CCSER1: variants seen among roughly 807,000 people sequenced by gnomAD.
CCSER1 encodes serine-rich coiled-coil domain-containing protein 1.
A neutral mutation model predicts 82.0 loss-of-function variants in CCSER1; 41 were observed. The observed-to-expected ratio is 0.50, with a 90% CI of 0.39 to 0.65. CCSER1 has a LOEUF of 0.65. CCSER1 is among the 30% of genes least tolerant of loss of function. CCSER1 has a pLI of 0.00. For synonymous variants in CCSER1, 414 were observed against 383.9 expected (o/e 1.08, Z -0.92); for missense variants, 1,119 against 1,064.2 (o/e 1.05, Z -0.72).
chr4:91,131,221 G>A (rs1262419396), intron 10 of CCSER1, among the ~76,000 whole-genome samples: 1 of 151,774 alleles, frequency 6.6e-6, no homozygotes, highest in Non-Finnish European at 1.5e-5. Context: ...GTCATTCATA[G>A]ATGGTTTTAT....
rs116223001 is a variant in CCSER1, at chr4:91,129,084, C to A, written c.2217+43090C>A. ...TTTCTCCTTATAATTTCTAGATGGC[C>A]GAATTTCAAGCATCACATTTTCAAA... On this transcript the variant is annotated intron_variant, in intron 10 of 10. Transcript: ENST00000509176. Among the ~76,000 whole-genome samples the A allele has an allele frequency of 1.3e-4, 19 of 151,926 alleles. 1 individual carries two copies. In the South Asian group the frequency reaches 3.9e-3, roughly 32 times the overall value.
chr4:90,754,603 C>T (rs1749202946), intron 7 of CCSER1, among the ~76,000 whole-genome samples: 1 of 152,088 alleles, frequency 6.6e-6, no homozygotes, highest in African/African-American at 2.4e-5. Flanking sequence ...TGAATTGTAC[C>T]TTAATGCAAC....
intron 10 of CCSER1, among the ~76,000 whole-genome samples, chr4:91,304,014 A>G (rs1217145130): frequency 1.1e-4 from 16 of 152,028 alleles, no homozygotes; most frequent in Non-Finnish European, 2.4e-4. Context: ...AGGGAAAGAA[A>G]AAATGTTCCC....
At chr4:91,116,032 T>C (rs908380945) in intron 10 of CCSER1, among the ~76,000 whole-genome samples, 10 of 151,800 alleles carry the variant, frequency 6.6e-5, no homozygotes, top group Non-Finnish European at 1.5e-5. Context: ...CAGGCCCTGG[T>C]GTGTGATGTT....
At chr4:90,233,665 T>C (rs947422619) in intron 1 of CCSER1, among the ~76,000 whole-genome samples, 16 of 149,930 alleles carry the variant, frequency 1.1e-4, no homozygotes, top group Admixed American at 1.0e-3. Context: ...ACTGGCCTTA[T>C]GAACCTTAGA....
chr4:90,345,331 G>T (rs1029940767), intron 3 of CCSER1, among the ~76,000 whole-genome samples: 1 of 152,004 alleles, frequency 6.6e-6, no homozygotes, highest in Non-Finnish European at 1.5e-5. Flanking sequence ...GTTTTTGCAG[G>T]TTTATTATTT....
intron 8 of CCSER1, among the ~76,000 whole-genome samples, chr4:90,859,255 C>T (rs1764794881): frequency 6.6e-6 from 1 of 151,780 alleles, no homozygotes; most frequent in Non-Finnish European, 1.5e-5. Context: ...ATAGGGGAAA[C>T]ATAATTTTAG....
intron 4 of CCSER1, among the ~76,000 whole-genome samples, chr4:90,457,244 C>T (rs368793818): frequency 1.4e-4 from 22 of 152,298 alleles, no homozygotes; most frequent in East Asian, 5.8e-4. Context: ...AACTGCAGAA[C>T]GCCAAATAGC....
chr4:90,998,535 A>T (rs1385479986), intron 9 of CCSER1, among the ~76,000 whole-genome samples: 1 of 152,132 alleles, frequency 6.6e-6, no homozygotes, highest in African/African-American at 2.4e-5. Context: ...TTCTATGGGG[A>T]TGCCTGCTTT....
At chr4:90,323,959 G>A (rs1235220116) in intron 3 of CCSER1, among the ~76,000 whole-genome samples, 2 of 152,102 alleles carry the variant, frequency 1.3e-5, no homozygotes, top group African/African-American at 4.8e-5. Context: ...TGAGAATGAT[G>A]ATTTCCAATT....
intron 10 of CCSER1, among the ~76,000 whole-genome samples, chr4:91,177,900 G>A (rs1336460114): frequency 2.6e-5 from 4 of 152,170 alleles, no homozygotes; most frequent in African/African-American, 4.8e-5. Flanking sequence ...TAATTGTGAT[G>A]TTAGGGTGTC....
At chr4:91,300,184 C>G (rs1339231689) in intron 10 of CCSER1, among the ~76,000 whole-genome samples, 1 of 151,816 alleles carries the variant, frequency 6.6e-6, no homozygotes, top group Non-Finnish European at 1.5e-5. Flanking sequence ...TTATTACAAG[C>G]AATATTTATA....
intron 10 of CCSER1, among the ~76,000 whole-genome samples, chr4:91,342,448 A>G (rs895319096): frequency 6.6e-6 from 1 of 152,186 alleles, no homozygotes; most frequent in South Asian, 2.1e-4. Flanking sequence ...TCACAAAAAT[A>G]TAAGGATTGG....
chr4:90,588,041 A>G (rs1160975870), intron 5 of CCSER1, among the ~76,000 whole-genome samples: 35 of 152,192 alleles, frequency 2.3e-4, no homozygotes, highest in Admixed American at 2.2e-3. Flanking sequence ...TTAATTAAAT[A>G]TACCTTATTG....
At chr4:90,264,629 T>C (rs1724924732) in intron 1 of CCSER1, among the ~76,000 whole-genome samples, 1 of 152,120 alleles carries the variant, frequency 6.6e-6, no homozygotes, top group South Asian at 2.1e-4. Context: ...TTTTTCTCCT[T>C]TTGGTGTCAA....
Position 90,175,346 on chromosome 4 carries a change from G to T in CCSER1, c.-42+47515G>T, listed in dbSNP as rs72876138. Among the ~76,000 whole-genome samples the T allele has an allele frequency of 8.0e-3, 1,221 of 152,016 alleles. 18 individuals carry two copies. The highest frequency in any genetic ancestry group is 0.028 in the African/African-American group (1,157 of 41,502). On this transcript the variant is annotated intron_variant, in intron 1 of 10. Coordinates refer to ENST00000509176, the MANE Select transcript of CCSER1 (RefSeq NM_001145065.2). ...AGCCAATCAGTGGTTCCATGAAGAA[G>T]GGGTAAGATGTATGCTGGCCGGAAA...
intron 8 of CCSER1, among the ~76,000 whole-genome samples, chr4:90,919,764 C>T (rs1728103848): frequency 6.6e-6 from 1 of 151,818 alleles, no homozygotes; most frequent in Non-Finnish European, 1.5e-5. Flanking sequence ...CTCAAAACCT[C>T]CACATATTCA....
At chr4:91,211,853 C>A (rs1157162235) in intron 10 of CCSER1, among the ~76,000 whole-genome samples, 4 of 151,926 alleles carry the variant, frequency 2.6e-5, no homozygotes, top group African/African-American at 9.7e-5. Flanking sequence ...TTGTGTGATA[C>A]CTCCAAAGAT....
chr4:91,404,359 T>C (rs1752548070), intron 10 of CCSER1, among the ~76,000 whole-genome samples: 1 of 152,166 alleles, frequency 6.6e-6, no homozygotes, highest in Non-Finnish European at 1.5e-5. Context: ...CTGGATTCCT[T>C]GATTTCTTGA....
Sources: gnomAD v4.1 joint callset for allele counts (sites outside exome capture counted in the v4.1 genomes callset) on GRCh38, gnomAD v4.1.1 for gene constraint, MANE v1.5 for transcripts, NCBI Gene and HGNC (gene_info 2026-07-23, HGNC 2026-07-21) for gene names.